Variants in CSMD3 observed in about 807,000 individuals in gnomAD.
CSMD3 encodes the protein CUB and Sushi multiple domains 3, also known as CUB and sushi domain-containing protein 3.
A neutral mutation model predicts 435.2 loss-of-function variants in CSMD3; 177 were observed. That is an observed-to-expected ratio of 0.41 (90% CI 0.36 to 0.46). The LOEUF (loss-of-function observed/expected upper bound fraction) is 0.46. CSMD3 is among the 20% of genes least tolerant of loss of function. CSMD3 has a pLI of 0.34. For missense variants in CSMD3, 4,265 were observed against 4,504.6 expected, an observed-to-expected ratio of 0.95 and a Z score of 1.52; for synonymous variants, 1,656 against 1,520.5, an observed-to-expected ratio of 1.09 and a Z score of -2.07.
chr8:112,936,781 C>T (rs1052663303), intron 9 of CSMD3, among the ~76,000 whole-genome samples: 1 of 152,108 alleles, frequency 6.6e-6, no homozygotes, highest in African/African-American at 2.4e-5. Context: ...TATACTCACA[C>T]TACCCAGCCA....
At chr8:112,989,362 C>T (rs894047893) in intron 6 of CSMD3, among the ~76,000 whole-genome samples, 5 of 151,864 alleles carry the variant, frequency 3.3e-5, no homozygotes, top group African/African-American at 1.2e-4. Context: ...ATACTATGTT[C>T]CACAGTCTCT....
intron 66 of CSMD3, 50 bp downstream of exon 66, chr8:112,241,670 G>A (rs377298351): frequency 8.0e-7 from 1 of 1,250,292 alleles, no homozygotes; most frequent in Admixed American, 1.7e-5. Flanking sequence ...GAAAATAGTA[G>A]ACCATTTTTA....
intron 22 of CSMD3, among the ~76,000 whole-genome samples, chr8:112,632,656 G>C (rs1284540537): frequency 6.6e-6 from 1 of 151,998 alleles, no homozygotes; most frequent in Admixed American, 6.6e-5. Flanking sequence ...GTGAAGACAT[G>C]CAAGTTTTTC....
intron 7 of CSMD3, among the ~76,000 whole-genome samples, chr8:112,971,670 C>T (rs2130912791): frequency 6.6e-6 from 1 of 152,170 alleles, no homozygotes; most frequent in South Asian, 2.1e-4. Flanking sequence ...ATATTAAGTT[C>T]TCATTTTGAG....
chr8:113,171,476 G>T (rs950096437), intron 4 of CSMD3, among the ~76,000 whole-genome samples: 23 of 152,128 alleles, frequency 1.5e-4, no homozygotes, highest in African/African-American at 5.5e-4. Flanking sequence ...GTACTTCTTA[G>T]TTTTAAGTGT....
intron 29 of CSMD3, among the ~76,000 whole-genome samples, chr8:112,504,553 G>A (rs892181684): frequency 1.3e-5 from 2 of 151,980 alleles, no homozygotes; most frequent in Middle Eastern, 3.2e-3. Context: ...CATTGTATTA[G>A]GCATTCTTTT....
chr8:113,016,950 G>T (rs1379285677), intron 6 of CSMD3, among the ~76,000 whole-genome samples: 1 of 151,798 alleles, frequency 6.6e-6, no homozygotes, highest in East Asian at 1.9e-4. Flanking sequence ...ATTATTTTAA[G>T]GTAATGCAAT....
At chr8:113,177,916 T>C (rs1158095421) in intron 3 of CSMD3, among the ~76,000 whole-genome samples, 1 of 151,968 alleles carries the variant, frequency 6.6e-6, no homozygotes, top group East Asian at 1.9e-4. Context: ...TTGGAAAATA[T>C]ACAAGATAAA....
chr8:113,400,424 C>T (rs2133199648), intron 1 of CSMD3, among the ~76,000 whole-genome samples: 1 of 152,040 alleles, frequency 6.6e-6, no homozygotes, highest in East Asian at 1.9e-4. Flanking sequence ...ACATTTTTCC[C>T]CCATTGTTTT....
chr8:112,749,126 G>A (rs775850264), intron 13 of CSMD3, among the ~76,000 whole-genome samples: 66 of 151,922 alleles, frequency 4.3e-4, no homozygotes, highest in Non-Finnish European at 4.4e-4. Context: ...TGTATCGGCC[G>A]TATGTATGTC....
At position 112,234,460 on chromosome 8, in the gene CSMD3, C is replaced by T. The variant is rs2129944819; in HGVS notation, c.10645G>A (p.Glu3549Lys). The T allele has an allele frequency of 1.2e-6, 2 of 1,610,810 alleles. No homozygotes were observed. The highest frequency in any genetic ancestry group is 2.2e-5 in the East Asian group (1 of 44,748). The change falls in exon 68 of 71, where the codon GAA becomes AAA. Residue 3549 changes from glutamate to lysine, a missense_variant. By Grantham distance (56) the Glu-to-Lys change is moderately conservative. This residue lies in a region of CSMD3 where 3,255 missense variants were observed against 3,380.2 expected (regional missense o/e 0.96). Coordinates refer to ENST00000297405, the MANE Select transcript of CSMD3 (RefSeq NM_198123.2). The part of the protein sequence containing the change: ...LLLSGVYKSQ[E>K]ARLMLRIYLI... ...TATATGCGTAACATTAGGCGAGCTT[C>T]CTGGCTTTTATATACCCCTGTAAAA... is the stretch of plus-strand genomic sequence containing the variant.
chr8:112,556,999 G>T (rs747872877), intron 24 of CSMD3, 45 bp from the exon 25 acceptor site: 3 of 1,188,886 alleles, frequency 2.5e-6, no homozygotes, highest in Admixed American at 3.5e-5. Context: ...TTTAGGAGGA[G>T]GATTTAAATC....
At chr8:112,564,731 G>C (rs1363654757) in intron 24 of CSMD3, among the ~76,000 whole-genome samples, 1 of 151,964 alleles carries the variant, frequency 6.6e-6, no homozygotes, top group African/African-American at 2.4e-5. Context: ...GATATTTGTT[G>C]GCAAGAGAAT....
chr8:112,518,345 T>TA (rs1164303612), intron 27 of CSMD3, among the ~76,000 whole-genome samples: 213 of 142,514 alleles, frequency 1.5e-3, no homozygotes, highest in Non-Finnish European at 1.7e-3. Context: ...TAGAAAAAAT[T>TA]AAAAAAAAAA....
At chr8:112,255,576 T>TC in intron 61 of CSMD3, 149 bp from the exon 62 acceptor site, 1 of 707,378 alleles carries the variant, frequency 1.4e-6, no homozygotes, top group Non-Finnish European at 2.4e-6. Context: ...ATTTATTTTT[T>TC]AGCTTATGTG....
At chr8:112,884,670 G>A (rs146037665) in intron 10 of CSMD3, among the ~76,000 whole-genome samples, 52 of 151,488 alleles carry the variant, frequency 3.4e-4, no homozygotes, top group African/African-American at 1.1e-3. Flanking sequence ...AATTTAGGGG[G>A]ACATCTTTTT....
chr8:112,926,967 GA>G (rs1305942006), intron 9 of CSMD3, among the ~76,000 whole-genome samples: 3 of 152,030 alleles, frequency 2.0e-5, no homozygotes, highest in Non-Finnish European at 4.4e-5. Context: ...TGTACAAATA[GA>G]AATTGTCCAG....
At chr8:113,217,534 A>C in intron 3 of CSMD3, among the ~76,000 whole-genome samples, 1 of 151,920 alleles carries the variant, frequency 6.6e-6, no homozygotes, top group East Asian at 1.9e-4. Context: ...TAAAAACATT[A>C]GAAATCTTAG....
At chr8:112,905,952 G>A (rs2082249865) in intron 10 of CSMD3, among the ~76,000 whole-genome samples, 1 of 151,344 alleles carries the variant, frequency 6.6e-6, no homozygotes, top group Non-Finnish European at 1.5e-5. Flanking sequence ...GATCATATGG[G>A]TGAGTTCACA....
Sources: gnomAD v4.1 joint callset for allele counts (sites outside exome capture counted in the v4.1 genomes callset) on GRCh38, gnomAD v4.1.1 for gene constraint, gnomAD v4.1.1 regional missense constraint, MANE v1.5 for transcripts, NCBI Gene and HGNC (gene_info 2026-07-23, HGNC 2026-07-21) for gene names.